The following MYRFL variants were observed in gnomAD, a reference collection of about 807,000 sequenced individuals.
The protein encoded by MYRFL is myelin regulatory factor like.
MYRFL carries 88 observed loss-of-function variants against 109.4 expected under a neutral mutation model. The observed-to-expected ratio is 0.80, with a 90% CI of 0.68 to 0.96. The LOEUF (loss-of-function observed/expected upper bound fraction) is 0.96, where lower values mean the gene tolerates loss of function less well. Ranked by LOEUF, MYRFL falls within the 40% of genes least tolerant of loss-of-function variation. The pLI is 0.00. For missense variants in MYRFL, 957 were observed against 954.9 expected, an observed-to-expected ratio of 1.00 and a Z score of -0.03; for synonymous variants, 324 against 320.9, an observed-to-expected ratio of 1.01 and a Z score of -0.10.
chr12:69,891,701 C>T (rs1408039618), intron 7 of MYRFL, among the ~76,000 whole-genome samples: 10 of 142,338 alleles, frequency 7.0e-5, no homozygotes, highest in Admixed American at 2.1e-4. Context: ...TTCGTTCTTT[C>T]TTTCTTTTTT....
chr12:69,958,147 C>G, intron 23 of MYRFL, 102 bp from the exon 24 acceptor site: 1 of 1,204,410 alleles, frequency 8.3e-7, no homozygotes, highest in South Asian at 1.4e-5. Context: ...GATCCCAATA[C>G]TTCTCCTACA....
chr12:69,859,657 A>T (rs1884513707), intron 2 of MYRFL, among the ~76,000 whole-genome samples: 1 of 152,224 alleles, frequency 6.6e-6, no homozygotes, highest in African/African-American at 2.4e-5. Flanking sequence ...CAGCCAAAAA[A>T]CACATGAAAA....
chr12:69,864,336 T>C (rs1884880016), intron 2 of MYRFL, among the ~76,000 whole-genome samples: 1 of 152,180 alleles, frequency 6.6e-6, no homozygotes, highest in African/African-American at 2.4e-5. Flanking sequence ...TTCATTTTTT[T>C]TTCAATCTTT....
intron 1 of MYRFL, among the ~76,000 whole-genome samples, chr12:69,841,607 A>G (rs1445953184): frequency 6.6e-6 from 1 of 152,112 alleles, no homozygotes; most frequent in Non-Finnish European, 1.5e-5. Flanking sequence ...TGACCACACC[A>G]CACCAGGTCA....
intron 11 of MYRFL, among the ~76,000 whole-genome samples, chr12:69,906,762 T>C (rs749280216): frequency 2.0e-5 from 3 of 152,182 alleles, no homozygotes; most frequent in Non-Finnish European, 4.4e-5. Context: ...TTTAAGCTGC[T>C]CCTAGTCCAG....
At chr12:69,857,477 A>G (rs769001967) in intron 2 of MYRFL, among the ~76,000 whole-genome samples, 4 of 151,844 alleles carry the variant, frequency 2.6e-5, no homozygotes, top group Non-Finnish European at 1.5e-5. Context: ...TGATCTATCT[A>G]AGGAGACTTA....
chr12:69,885,832 G>C (rs936583299), intron 5 of MYRFL, among the ~76,000 whole-genome samples: 1 of 152,026 alleles, frequency 6.6e-6, no homozygotes, highest in Non-Finnish European at 1.5e-5. Flanking sequence ...ACTTTATCTT[G>C]GTTCTAGCTT....
chr12:69,942,681 G>T (rs1385317589), intron 19 of MYRFL, among the ~76,000 whole-genome samples: 1 of 151,814 alleles, frequency 6.6e-6, no homozygotes, highest in South Asian at 2.1e-4. Flanking sequence ...GGAAGTTCTG[G>T]CCAGGGCAAT....
rs1194659047 is a variant in MYRFL, at chr12:69,879,096, G to A, written c.205+1G>A. The A allele has an allele frequency of 1.0e-5, 7 of 702,858 alleles. No individual in the cohort carries two copies. The highest frequency in any genetic ancestry group is 1.8e-5 in the Non-Finnish European group (7 of 384,856). 43.5% of individuals were successfully genotyped at this position (702,858 alleles called of 1,614,324 possible). A position where few individuals can be genotyped will look rare whatever the true frequency, so the allele number is the denominator to read the frequency against. ...TCATGCTCTCCTCCGCAGGTCAAAGGTGAGTGCGATCCACCTTCAGCACAT... is the reference window on the plus strand; with the variant it reads ...TCATGCTCTCCTCCGCAGGTCAAAGATGAGTGCGATCCACCTTCAGCACAT... On this transcript the variant is annotated splice_donor_variant, in intron 3 of 24. Coordinates refer to ENST00000552032, the MANE Select transcript of MYRFL (RefSeq NM_182530.3). LOFTEE classifies it high-confidence loss of function.
rs553699164 is a variant in MYRFL at position 69,879,469 on chromosome 12, T to C, written c.464+16T>C. 4.9e-4 allele frequency: 342 copies of C among 696,056 alleles called. No homozygotes were observed. Among genetic ancestry groups the C allele is most frequent in the Non-Finnish European group, 8.0e-4 (303 of 380,888 alleles). 43.1% of individuals were successfully genotyped at this position (696,056 alleles called of 1,614,324 possible). ...ACAGCCCTGGGTAAAGAAAAAGATA[T>C]TTAGTTATCAAAGACCTTTGCGGAA... On this transcript the variant is annotated intron_variant, in intron 4 of 24. Coordinates refer to ENST00000552032, the MANE Select transcript of MYRFL (RefSeq NM_182530.3).
intron 15 of MYRFL, among the ~76,000 whole-genome samples, chr12:69,931,229 A>G (rs1396584485): frequency 6.6e-6 from 1 of 152,188 alleles, no homozygotes; most frequent in Non-Finnish European, 1.5e-5. Context: ...AGGGGAAAGC[A>G]CTTACCCTGA....
In MYRFL at chr12:69,895,486, T is replaced by G; in HGVS notation, c.1091+5T>G. On this transcript the variant is annotated splice_donor_5th_base_variant and intron_variant, in intron 9 of 24. Coordinates refer to ENST00000552032, the MANE Select transcript of MYRFL (RefSeq NM_182530.3). ...AAAACCAAATCCAGACCAGAGGTAC[T>G]GATGTCACTGTGTGCATGGCAGTGT... 6.5e-7 allele frequency: 1 copy of G among 1,534,090 alleles called. No homozygotes were observed. The highest frequency in any genetic ancestry group is 8.7e-7 in the Non-Finnish European group (1 of 1,145,144).
intron 1 of MYRFL, among the ~76,000 whole-genome samples, chr12:69,837,135 C>A (rs1162430389): frequency 1.3e-5 from 2 of 152,046 alleles, no homozygotes; most frequent in African/African-American, 4.8e-5. Flanking sequence ...ATTCCAAGTC[C>A]AACACTTTTT....
At chr12:69,848,894 A>G (rs1883718294) in intron 1 of MYRFL, among the ~76,000 whole-genome samples, 1 of 152,154 alleles carries the variant, frequency 6.6e-6, no homozygotes, top group Non-Finnish European at 1.5e-5. Context: ...GATTATTGAG[A>G]CAGATCTTGC....
chr12:69,910,155 G>A (rs902697640), intron 12 of MYRFL, 78 bp downstream of exon 12: 4 of 949,832 alleles, frequency 4.2e-6, no homozygotes, highest in Non-Finnish European at 4.6e-6. Flanking sequence ...TTGAGGTTAT[G>A]TGCTATGGCA....
Position 69,883,058 on chromosome 12 carries a change from C to T in MYRFL, c.556+2766C>T, listed in dbSNP as rs1886228795. Among the ~76,000 whole-genome samples, 2 of 152,202 alleles carry T rather than the reference C, an allele frequency of 1.3e-5. 1 individual carries two copies. Among genetic ancestry groups the T allele is most frequent in the South Asian group, 4.1e-4 (2 of 4,830 alleles). ...TTCAAATGCAAGCTATCAGTTTTCT[C>T]CAAAAGGTCTGGACTTAGGCAGTTT... On this transcript the variant is annotated intron_variant, in intron 5 of 24. Coordinates refer to ENST00000552032, the MANE Select transcript of MYRFL (RefSeq NM_182530.3).
chr12:69,958,187 A>C (rs1648835831), intron 23 of MYRFL, 62 bp from the exon 24 acceptor site: 1 of 1,378,124 alleles, frequency 7.3e-7, no homozygotes, highest in African/African-American at 1.4e-5. Context: ...TTCAGCCTGT[A>C]CTCTTTCCTA....
chr12:69,883,830 T>C (rs1265345953), intron 5 of MYRFL, among the ~76,000 whole-genome samples: 4 of 151,972 alleles, frequency 2.6e-5, no homozygotes, highest in Non-Finnish European at 5.9e-5. Context: ...GAGCTATGAT[T>C]GTGCCATTGC....
intron 5 of MYRFL, among the ~76,000 whole-genome samples, chr12:69,885,908 T>C (rs1379711779): frequency 1.3e-5 from 2 of 152,130 alleles, no homozygotes; most frequent in East Asian, 1.9e-4. Flanking sequence ...TGTGTAAAGA[T>C]GGCAGGATAC....
Sources: allele counts gnomAD v4.1 joint callset (sites outside exome capture counted in the v4.1 genomes callset), GRCh38; gene constraint gnomAD v4.1.1; transcripts MANE v1.5; gene names NCBI Gene and HGNC (gene_info 2026-07-23, HGNC 2026-07-21).